Variants in PLCL2 observed in about 807,000 individuals in gnomAD.
PLCL2 encodes the protein phospholipase C like 2.
PLCL2 carries 4 observed loss-of-function variants against 79.6 expected under a neutral mutation model. The ratio of observed to expected loss-of-function variants is 0.05; its 90% CI spans 0.02 to 0.11. The LOEUF is 0.11. PLCL2 is among the 10% of genes least tolerant of loss of function. The pLI is 1.00. For missense variants in PLCL2, 895 were observed against 1,291.0 expected (o/e 0.69, Z 4.70); for synonymous variants, 484 against 457.7 (o/e 1.06, Z -0.73).
intron 1 of PLCL2, among the ~76,000 whole-genome samples, chr3:16,891,800 C>T (rs1348860283): frequency 1.3e-5 from 2 of 152,164 alleles, no homozygotes; most frequent in Non-Finnish European, 1.5e-5. Flanking sequence ...TATGCTGGAG[C>T]CCCATGAGAT....
In PLCL2 at chr3:17,010,725, T is replaced by G. The variant is rs766153923; in HGVS notation, c.1379T>G (p.Ile460Ser). 3 of 1,614,176 alleles carry G rather than the reference T, an allele frequency of 1.9e-6. No homozygotes were observed. The highest frequency in any genetic ancestry group is 2.5e-6 in the Non-Finnish European group (3 of 1,180,004). Residue 460 changes from isoleucine (I) to serine (S), a missense_variant, in exon 2 of 6, where the codon ATT becomes AGT. This residue lies in a region of PLCL2 where 242 missense variants were observed against 399.5 expected (regional missense o/e 0.61). Transcript: ENST00000615277. This position sits in a 1 kb window ranked among gnomAD's most constrained non-coding sequence, Gnocchi z 5.8. ...FRGPSDITGY[I>S]RALKMGCRSV... Reference sequence around the variant, plus strand: ...GGTCCCTCCGACATCACAGGATATATTCGAGCTCTTAAAATGGGTTGCCGG... The same window carrying G: ...GGTCCCTCCGACATCACAGGATATAGTCGAGCTCTTAAAATGGGTTGCCGG...
At chr3:16,935,943 T>C (rs1697528926) in intron 1 of PLCL2, among the ~76,000 whole-genome samples, 3 of 152,228 alleles carry the variant, frequency 2.0e-5, no homozygotes. Context: ...TAGCTCATGT[T>C]ATCCTTCCTA....
intron 1 of PLCL2, among the ~76,000 whole-genome samples, chr3:16,936,973 C>T (rs898388330): frequency 6.6e-6 from 1 of 151,988 alleles, no homozygotes; most frequent in African/African-American, 2.4e-5. Context: ...GCGGGGTGAG[C>T]GGGGGCTCTC....
intron 3 of PLCL2, among the ~76,000 whole-genome samples, chr3:17,015,539 A>G (rs2064374660): frequency 6.6e-6 from 1 of 152,148 alleles, no homozygotes; most frequent in Non-Finnish European, 1.5e-5. Flanking sequence ...ACTCTAAGAG[A>G]GAATTTATTG....
At chr3:16,935,316 A>G (rs1470742085) in intron 1 of PLCL2, among the ~76,000 whole-genome samples, 1 of 151,562 alleles carries the variant, frequency 6.6e-6, no homozygotes, top group Non-Finnish European at 1.5e-5. Flanking sequence ...TGTCTTTTCT[A>G]TTTGTTGCAG....
chr3:16,989,468 AG>A (rs2064082627), intron 1 of PLCL2, among the ~76,000 whole-genome samples: 1 of 152,186 alleles, frequency 6.6e-6, no homozygotes, highest in African/African-American at 2.4e-5. Flanking sequence ...TGGATTTCAA[AG>A]ACTTGAAAAG....
At chr3:16,968,331 A>G (rs2063825977) in intron 1 of PLCL2, among the ~76,000 whole-genome samples, 2 of 152,258 alleles carry the variant, frequency 1.3e-5, no homozygotes, top group East Asian at 1.9e-4. Context: ...TTTGATAGGA[A>G]TAGCATTGAA....
rs569404301 is a variant in PLCL2, at chr3:17,080,455, C to T, written c.3205-9278C>T. On this transcript the variant is annotated intron_variant, in intron 5 of 5. Transcript: ENST00000615277. ...CCAAGACTCCTACAATCCATTCATT[C>T]TTCTTTTTTTTTCCAGACGGAGTCT... is the stretch of plus-strand genomic sequence containing the variant. Among the ~76,000 whole-genome samples, 11 of 152,204 alleles carry T rather than the reference C, an allele frequency of 7.2e-5. No individual in the cohort carries two copies. The East Asian group carries it at 2.1e-3, about 29-fold the overall frequency.
chr3:16,909,616 A>G (rs1696828894), intron 1 of PLCL2, among the ~76,000 whole-genome samples: 1 of 152,190 alleles, frequency 6.6e-6, no homozygotes, highest in Admixed American at 6.5e-5. Flanking sequence ...TGGGATTGAA[A>G]TTTGCACACT....
At chr3:17,082,722 T>C (rs938299542) in intron 5 of PLCL2, among the ~76,000 whole-genome samples, 8 of 152,190 alleles carry the variant, frequency 5.3e-5, no homozygotes, top group African/African-American at 1.7e-4. Context: ...GATTTTTGTT[T>C]TTAAATACCC....
intron 1 of PLCL2, among the ~76,000 whole-genome samples, chr3:16,929,660 C>T (rs1447238199): frequency 1.3e-5 from 2 of 152,130 alleles, no homozygotes; most frequent in Admixed American, 1.3e-4. Flanking sequence ...TTCCTCTTTC[C>T]CAGTCTCCTG....
rs891381060 is a variant in PLCL2 at position 16,916,777 on chromosome 3, A to G, written c.327+31411A>G. On this transcript the variant is annotated intron_variant, in intron 1 of 5. Transcript: ENST00000615277. ...TAAATATATTACAGAATTTTGAAAG[A>G]TAAAAGATAAAGATAGTTAAAATCC... Among the ~76,000 whole-genome samples, 4 of 152,198 alleles carry G rather than the reference A, an allele frequency of 2.6e-5. No individual in the cohort carries two copies. The South Asian group carries it at 8.3e-4, about 32-fold the overall frequency.
intron 1 of PLCL2, among the ~76,000 whole-genome samples, chr3:17,000,112 A>G (rs1252143921): frequency 6.6e-6 from 1 of 152,166 alleles, no homozygotes; most frequent in African/African-American, 2.4e-5. Context: ...CCTTTCAAAG[A>G]CTAACATCTA....
intron 1 of PLCL2, among the ~76,000 whole-genome samples, chr3:16,970,907 T>C (rs1033123794): frequency 6.6e-6 from 1 of 151,662 alleles, no homozygotes; most frequent in Non-Finnish European, 1.5e-5. Context: ...TTTGATGGGG[T>C]TGTTTGTTTT....
chr3:16,915,600 TA>T (rs1350688692), intron 1 of PLCL2, among the ~76,000 whole-genome samples: 1 of 152,234 alleles, frequency 6.6e-6, no homozygotes, highest in Non-Finnish European at 1.5e-5. Context: ...TTAATTTTAT[TA>T]TTTTTTTCCT....
At chr3:16,907,363 G>C (rs1575522335) in intron 1 of PLCL2, among the ~76,000 whole-genome samples, 1 of 152,336 alleles carries the variant, frequency 6.6e-6, no homozygotes, top group East Asian at 1.9e-4. Flanking sequence ...AACCAGACAA[G>C]CCTGTGATTT....
chr3:16,963,750 A>T (rs1275378073), intron 1 of PLCL2, among the ~76,000 whole-genome samples: 9 of 152,138 alleles, frequency 5.9e-5, no homozygotes, highest in Admixed American at 5.9e-4. Flanking sequence ...TCACCATTGT[A>T]CAAATGAGTT....
In PLCL2 at chr3:16,980,942, C is replaced by T. The variant is rs552244883; in HGVS notation, c.328-28732C>T. 1.6e-4 allele frequency among the ~76,000 whole-genome samples: 24 copies of T among 152,360 alleles called. No individual in the cohort carries two copies. The South Asian group carries it at 4.6e-3, about 29-fold the overall frequency. On this transcript the variant is annotated intron_variant, in intron 1 of 5. Coordinates refer to ENST00000615277, the MANE Select transcript of PLCL2 (RefSeq NM_001144382.2). The stretch of plus-strand genomic sequence containing the variant: ...CACGGTTAGGAGCTGGAGACCAGCC[C>T]GGCCAACACAGCGAAACCTCGTCTC...
chr3:17,081,941 C>T (rs1272978222), intron 5 of PLCL2, among the ~76,000 whole-genome samples: 1 of 152,124 alleles, frequency 6.6e-6, no homozygotes, highest in East Asian at 1.9e-4. Flanking sequence ...AAAATTCAAA[C>T]CAGAATGTGC....
Sources: allele counts gnomAD v4.1 joint callset (sites outside exome capture counted in the v4.1 genomes callset), GRCh38; gene constraint gnomAD v4.1.1; regional missense constraint gnomAD v4.1.1; non-coding constraint Gnocchi (gnomAD v3.1); transcripts MANE v1.5; gene names NCBI Gene and HGNC (gene_info 2026-07-23, HGNC 2026-07-21).